The following SUCLG2 variants were observed in gnomAD, a reference collection of about 807,000 sequenced individuals.
SUCLG2 encodes the protein succinate-CoA ligase GDP-forming subunit beta.
Under a neutral mutation model 47.9 loss-of-function variants are expected in SUCLG2, and 42 were observed. The observed-to-expected ratio is 0.88, with a 90% CI of 0.69 to 1.14. The LOEUF (loss-of-function observed/expected upper bound fraction) is 1.14, where lower values mean the gene tolerates loss of function less well. SUCLG2 is among the 50% of genes most tolerant of loss of function. The pLI is 0.00. For synonymous variants in SUCLG2, 195 were observed against 197.3 expected (o/e 0.99, Z 0.10); for missense variants, 571 against 525.9 (o/e 1.09, Z -0.84).
intron 6 of SUCLG2, chr3:67,514,236 G>A (rs1705879723): frequency 2.5e-6 from 1 of 406,112 alleles, no homozygotes; most frequent in African/African-American, 2.1e-5. Flanking sequence ...TGTTCTTCTG[G>A]TATGATGTAT....
At chr3:67,380,687 T>TAGAG (rs141848772) in intron 10 of SUCLG2, among the ~76,000 whole-genome samples, 1 of 84,942 alleles carries the variant, frequency 1.2e-5, no homozygotes, top group South Asian at 5.7e-4. Context: ...GAAAGGGGGG[T>TAGAG]AGAGAGAGAG....
In SUCLG2 at chr3:67,498,410, C is replaced by G. The variant is rs1158023233; in HGVS notation, c.758-115G>C. ...AGTTAAGTACTGTCATTTTTTTTCA[C>G]ATGTTACAGGCAGGAGAGGCTGCTT... On this transcript the variant is annotated intron_variant, in intron 7 of 10. Coordinates refer to ENST00000307227, the MANE Select transcript of SUCLG2 (RefSeq NM_003848.4). The G allele has an allele frequency of 2.6e-6, 3 of 1,139,578 alleles. No individual in the cohort carries two copies. In the African/African-American group the frequency reaches 4.7e-5, roughly 18 times the overall value. 70.6% of individuals were successfully genotyped at this position (1,139,578 alleles called of 1,614,324 possible). A position where few individuals can be genotyped will look rare whatever the true frequency, so the allele number is the denominator to read the frequency against.
intron 9 of SUCLG2, among the ~76,000 whole-genome samples, chr3:67,477,103 G>A (rs1442664895): frequency 6.6e-6 from 1 of 152,060 alleles, no homozygotes; most frequent in East Asian, 1.9e-4. Context: ...CATATGCTCA[G>A]GGTTATCACC....
intron 2 of SUCLG2, among the ~76,000 whole-genome samples, chr3:67,604,263 T>C (rs1350663271): frequency 6.6e-6 from 1 of 152,238 alleles, no homozygotes; most frequent in Admixed American, 6.5e-5. Flanking sequence ...AAATGAATCA[T>C]TAAGAAAATA....
intron 7 of SUCLG2, among the ~76,000 whole-genome samples, chr3:67,506,559 T>C (rs1369590928): frequency 6.6e-6 from 1 of 152,126 alleles, no homozygotes; most frequent in Non-Finnish European, 1.5e-5. Context: ...ATAAACACAG[T>C]CTAAGAAAAG....
At chr3:67,399,881 G>A (rs1244745591) in intron 10 of SUCLG2, among the ~76,000 whole-genome samples, 1 of 152,104 alleles carries the variant, frequency 6.6e-6, no homozygotes, top group Non-Finnish European at 1.5e-5. Flanking sequence ...TATGAAAAGA[G>A]CATTAAAAAC....
At chr3:67,594,281 T>C (rs1316558643) in intron 2 of SUCLG2, among the ~76,000 whole-genome samples, 1 of 152,186 alleles carries the variant, frequency 6.6e-6, no homozygotes, top group African/African-American at 2.4e-5. Flanking sequence ...TAGAATAAAA[T>C]CAAATATACT....
intron 7 of SUCLG2, among the ~76,000 whole-genome samples, chr3:67,501,160 G>C (rs1705486514): frequency 6.6e-6 from 1 of 152,164 alleles, no homozygotes; most frequent in South Asian, 2.1e-4. Context: ...TTGGATCATT[G>C]CATGTATGTC....
chr3:67,415,859 T>C (rs998375879), intron 9 of SUCLG2, among the ~76,000 whole-genome samples: 1 of 152,192 alleles, frequency 6.6e-6, no homozygotes, highest in Non-Finnish European at 1.5e-5. Context: ...GAGCAGAATA[T>C]GGTACACATG....
Position 67,574,216 on chromosome 3 carries a change from C to A in SUCLG2, c.226+35239G>T, listed in dbSNP as rs145162120. The stretch of plus-strand genomic sequence containing the variant: ...GGACTTGTGATTAGATTGGGTCCCC[C>A]TAGTAATCCAGGATAATCTCTCATC... On this transcript the variant is annotated intron_variant, in intron 2 of 10. Coordinates refer to ENST00000307227, the MANE Select transcript of SUCLG2 (RefSeq NM_003848.4). Among the ~76,000 whole-genome samples the A allele has an allele frequency of 3.2e-3, 491 of 152,238 alleles. 4 individuals are homozygous for A. Among genetic ancestry groups the A allele is most frequent in the African/African-American group, 0.011 (472 of 41,538 alleles).
chr3:67,564,735 T>C (rs1398974543), intron 2 of SUCLG2, among the ~76,000 whole-genome samples: 1 of 152,246 alleles, frequency 6.6e-6, no homozygotes, highest in East Asian at 1.9e-4. Flanking sequence ...AGCTATCTAT[T>C]GTTAGTGTGT....
chr3:67,613,954 G>C (rs898711133), intron 1 of SUCLG2, among the ~76,000 whole-genome samples: 4 of 152,208 alleles, frequency 2.6e-5, no homozygotes, highest in Admixed American at 6.5e-5. Flanking sequence ...GACAGAGCTC[G>C]TGTAAGGTAA....
At chr3:67,578,936 G>C (rs1376724775) in intron 2 of SUCLG2, among the ~76,000 whole-genome samples, 1 of 152,212 alleles carries the variant, frequency 6.6e-6, no homozygotes, top group East Asian at 1.9e-4. Context: ...CCTGGCACCA[G>C]TGTTGCCGCT....
rs1334967899 is a variant in SUCLG2, at chr3:67,474,590, G to C, written c.1062+21208C>G. On this transcript the variant is annotated intron_variant, in intron 9 of 10. Transcript: ENST00000307227. The stretch of plus-strand genomic sequence containing the variant: ...ATTGCTTTCTTTCACATTTAGAAGG[G>C]CTCATGTAATTCTAAAATACTGTTA... 2.0e-5 allele frequency among the ~76,000 whole-genome samples: 3 copies of C among 152,068 alleles called. No homozygotes were observed. The East Asian group carries it at 5.8e-4, about 29-fold the overall frequency.
At chr3:67,422,705 C>T (rs7637465) in intron 9 of SUCLG2, among the ~76,000 whole-genome samples, 131,460 of 151,874 alleles carry the variant, frequency 0.87, 57,553 homozygotes, top group East Asian at 1. Flanking sequence ...ACCATAAAGT[C>T]CCAGTTTAAT....
At chr3:67,375,961 T>C in intron 10 of SUCLG2, 102 bp from the exon 11 acceptor site, 2 of 1,462,914 alleles carry the variant, frequency 1.4e-6, no homozygotes, top group East Asian at 2.5e-5. Flanking sequence ...AGCTTTTCAC[T>C]AGGAAATGAA....
At chr3:67,635,033 C>T (rs1162602219) in intron 1 of SUCLG2, among the ~76,000 whole-genome samples, 1 of 152,240 alleles carries the variant, frequency 6.6e-6, no homozygotes, top group African/African-American at 2.4e-5. Flanking sequence ...GCATCTGTCA[C>T]GTAAGGAGAG....
At chr3:67,612,996 A>T (rs1318841730) in intron 1 of SUCLG2, among the ~76,000 whole-genome samples, 1 of 152,222 alleles carries the variant, frequency 6.6e-6, no homozygotes, top group Non-Finnish European at 1.5e-5. Flanking sequence ...AGGTGTACAT[A>T]ACAAGGTATG....
intron 7 of SUCLG2, among the ~76,000 whole-genome samples, chr3:67,508,319 G>A (rs1282298756): frequency 1.3e-5 from 2 of 152,200 alleles, no homozygotes; most frequent in African/African-American, 4.8e-5. Context: ...ACACCCAAGT[G>A]TGTGGCTCCC....
Sources: gnomAD v4.1 joint callset for allele counts (sites outside exome capture counted in the v4.1 genomes callset) on GRCh38, gnomAD v4.1.1 for gene constraint, MANE v1.5 for transcripts, NCBI Gene and HGNC (gene_info 2026-07-23, HGNC 2026-07-21) for gene names.